NTN1: variants seen among roughly 807,000 people sequenced by gnomAD.
NTN1 encodes netrin 1.
NTN1 carries 11 observed loss-of-function variants against 54.2 expected under a neutral mutation model. The ratio of observed to expected loss-of-function variants is 0.20; its 90% CI spans 0.13 to 0.34. NTN1 has a LOEUF of 0.34. Among genes scored for constraint, NTN1 ranks in the 10% least tolerant of loss-of-function variants. The pLI is 1.00. For synonymous variants in NTN1, 371 were observed against 382.0 expected, an observed-to-expected ratio of 0.97 and a Z score of 0.33; for missense variants, 740 against 893.1, an observed-to-expected ratio of 0.83 and a Z score of 2.18.
the NTN1 span, among the ~76,000 whole-genome samples, chr17:9,005,812 G>A: frequency 1.3e-5 from 2 of 152,334 alleles, no homozygotes; most frequent in South Asian, 4.1e-4. Flanking sequence ...GCCAGATGAG[G>A]AGAGGCCAGA....
intron 2 of NTN1, among the ~76,000 whole-genome samples, chr17:9,026,549 C>A (rs746310423): frequency 1.3e-5 from 2 of 152,286 alleles, no homozygotes; most frequent in South Asian, 4.2e-4. Context: ...CATTCACATT[C>A]ATTGTGTAAA....
chr17:9,166,340 CTT>C (rs34345156), intron 3 of NTN1, among the ~76,000 whole-genome samples: 48 of 113,040 alleles, frequency 4.2e-4, no homozygotes, highest in Non-Finnish European at 7.0e-4. Context: ...CAGGCTCTGG[CTT>C]TTTTTTTTTT....
chr17:9,059,083 G>C (rs2091988218), intron 2 of NTN1, among the ~76,000 whole-genome samples: 1 of 152,164 alleles, frequency 6.6e-6, no homozygotes, highest in Non-Finnish European at 1.5e-5. Context: ...ATAGCACCTG[G>C]TACACAGTAA....
intron 5 of NTN1, among the ~76,000 whole-genome samples, chr17:9,209,445 G>A (rs1418087274): frequency 6.6e-6 from 1 of 152,254 alleles, no homozygotes; most frequent in Non-Finnish European, 1.5e-5. Flanking sequence ...CAGGCCTGGT[G>A]TTTGAGGCTG....
At chr17:9,153,497 A>G (rs1174196098) in intron 2 of NTN1, among the ~76,000 whole-genome samples, 1 of 152,148 alleles carries the variant, frequency 6.6e-6, no homozygotes, top group East Asian at 1.9e-4. Context: ...GTGTCTTAGG[A>G]GGGAATGCTG....
intron 2 of NTN1, among the ~76,000 whole-genome samples, chr17:9,085,295 A>C (rs886421484): frequency 6.6e-6 from 1 of 152,192 alleles, no homozygotes; most frequent in Non-Finnish European, 1.5e-5. Flanking sequence ...TTCCCGATGG[A>C]AGCTGGTCCT....
At chr17:9,087,039 C>T (rs1190734715) in intron 2 of NTN1, among the ~76,000 whole-genome samples, 1 of 152,260 alleles carries the variant, frequency 6.6e-6, no homozygotes, top group South Asian at 2.1e-4. Flanking sequence ...TCCACCGTGA[C>T]CCTATGAAGC....
chr17:9,208,057 C>T (rs1284191642), intron 5 of NTN1, among the ~76,000 whole-genome samples: 1 of 152,146 alleles, frequency 6.6e-6, no homozygotes, highest in Non-Finnish European at 1.5e-5. Context: ...TATGGTGAAA[C>T]CCCATCTCTA....
intron 2 of NTN1, among the ~76,000 whole-genome samples, chr17:9,029,175 C>T (rs1215849132): frequency 1.3e-5 from 2 of 151,942 alleles, no homozygotes; most frequent in Non-Finnish European, 1.5e-5. Flanking sequence ...AAATGTCCGT[C>T]CATGGTGGTT....
the NTN1 span, among the ~76,000 whole-genome samples, chr17:9,007,995 G>A: frequency 1.6e-3 from 250 of 151,836 alleles, 1 homozygote; most frequent in Admixed American, 3.2e-3. Context: ...CTCCCACCTC[G>A]GCTCCCCAAA....
rs2091852517 is a variant in NTN1, at chr17:9,022,332, CAG to C, written c.-40_-39del. ...GCAGGCGCCTTCTGCGGCAGGCGGA[CAG>C]ATCCTCGGCGCGGCAGGGCCGGGGC... On this transcript the variant is annotated 5_prime_UTR_variant, in exon 2 of 7. Transcript: ENST00000173229. The C allele has an allele frequency of 7.9e-7, 1 of 1,267,930 alleles. No individual in the cohort carries two copies. The highest frequency in any genetic ancestry group is 1.6e-5 in the African/African-American group (1 of 64,154). The allele number at this position is 1,267,930 out of a possible 1,614,324, so 78.5% of individuals were successfully genotyped here. A position where few individuals can be genotyped will look rare whatever the true frequency, so the allele number is the denominator to read the frequency against.
intron 2 of NTN1, among the ~76,000 whole-genome samples, chr17:9,100,713 C>A (rs2092147882): frequency 6.6e-6 from 1 of 152,114 alleles, no homozygotes. Flanking sequence ...CTTTGTCTAC[C>A]TTTTAATGCA....
chr17:9,178,121 C>T (rs145772729), intron 3 of NTN1, among the ~76,000 whole-genome samples: 21 of 152,282 alleles, frequency 1.4e-4, no homozygotes, highest in African/African-American at 3.1e-4. Context: ...CGTTTGAACC[C>T]GGGAGGCGGA....
At chr17:9,088,611 A>G (rs1395637676) in intron 2 of NTN1, among the ~76,000 whole-genome samples, 1 of 152,080 alleles carries the variant, frequency 6.6e-6, no homozygotes, top group East Asian at 1.9e-4. Context: ...TCATTTGAGG[A>G]CTGAGACCCC....
chr17:9,085,941 T>C (rs2092088881), intron 2 of NTN1, among the ~76,000 whole-genome samples: 1 of 152,146 alleles, frequency 6.6e-6, no homozygotes, highest in Non-Finnish European at 1.5e-5. Context: ...CTCTCACTGC[T>C]ACTACACATG....
intron 2 of NTN1, among the ~76,000 whole-genome samples, chr17:9,105,474 A>G (rs1429006756): frequency 6.6e-6 from 1 of 152,184 alleles, no homozygotes; most frequent in African/African-American, 2.4e-5. Flanking sequence ...GCATTAATCC[A>G]GAATCATTTT....
At chr17:9,040,108 G>A (rs1375609068) in intron 2 of NTN1, among the ~76,000 whole-genome samples, 1 of 152,194 alleles carries the variant, frequency 6.6e-6, no homozygotes, top group Admixed American at 6.5e-5. Flanking sequence ...TATATCTGCA[G>A]TGTATGAGAG....
chr17:9,220,894 C>T (rs578074914), intron 5 of NTN1, among the ~76,000 whole-genome samples: 5 of 137,374 alleles, frequency 3.6e-5, no homozygotes, highest in South Asian at 4.7e-4. Flanking sequence ...AGGAGCCCCC[C>T]GAGACTCTCA....
intron 2 of NTN1, among the ~76,000 whole-genome samples, chr17:9,070,680 C>T (rs1005957997): frequency 6.6e-6 from 1 of 152,192 alleles, no homozygotes; most frequent in Non-Finnish European, 1.5e-5. Flanking sequence ...CAACCTCCGC[C>T]TCCCGGGTTC....
Sources: allele counts gnomAD v4.1 joint callset (sites outside exome capture counted in the v4.1 genomes callset), GRCh38; gene constraint gnomAD v4.1.1; transcripts MANE v1.5; gene names NCBI Gene and HGNC (gene_info 2026-07-23, HGNC 2026-07-21).